The following KHDRBS2 variants were observed in gnomAD, a reference collection of about 807,000 sequenced individuals.
KHDRBS2 encodes the protein KH RNA binding domain containing, signal transduction associated 2, also known as KH domain-containing, RNA-binding, signal transduction-associated protein 2.
A neutral mutation model predicts 44.3 loss-of-function variants in KHDRBS2; 26 were observed. The observed-to-expected ratio is 0.59, with a 90% CI of 0.43 to 0.81. KHDRBS2 has a LOEUF of 0.81. KHDRBS2 is among the 40% of genes least tolerant of loss of function. KHDRBS2 has a pLI of 0.00. For synonymous variants in KHDRBS2, 194 were observed against 151.1 expected (o/e 1.28, Z -2.08); for missense variants, 476 against 433.1 (o/e 1.10, Z -0.88).
chr6:61,847,366 T>C (rs1200068537), intron 6 of KHDRBS2, among the ~76,000 whole-genome samples: 1 of 152,194 alleles, frequency 6.6e-6, no homozygotes, highest in Non-Finnish European at 1.5e-5. Flanking sequence ...GACCTAGGAC[T>C]GTCTTTCTCA....
chr6:61,934,303 A>G (rs1810635407), intron 4 of KHDRBS2, among the ~76,000 whole-genome samples: 1 of 152,036 alleles, frequency 6.6e-6, no homozygotes, highest in South Asian at 2.1e-4. Context: ...TTTTGGTTAG[A>G]TGTAATTCCA....
At chr6:62,000,857 T>C (rs1230592488) in intron 3 of KHDRBS2, among the ~76,000 whole-genome samples, 2 of 152,180 alleles carry the variant, frequency 1.3e-5, no homozygotes, top group Non-Finnish European at 2.9e-5. Context: ...GGTCCTTCAA[T>C]AGCAAAAATA....
the KHDRBS2 span, among the ~76,000 whole-genome samples, chr6:61,571,765 C>T: frequency 0.024 from 3,713 of 152,084 alleles, 71 homozygotes; most frequent in Middle Eastern, 0.085. Context: ...AAGGAACTCT[C>T]AAAATATACA....
intron 2 of KHDRBS2, among the ~76,000 whole-genome samples, chr6:62,132,843 C>A (rs1179194867): frequency 6.6e-6 from 1 of 152,154 alleles, no homozygotes; most frequent in Non-Finnish European, 1.5e-5. Context: ...GCCCAGAAAT[C>A]ATATATCATA....
chr6:61,912,217 G>A lies in KHDRBS2; in HGVS notation c.484-10846C>T, dbSNP rs570674386. Among the ~76,000 whole-genome samples, 98 of 152,156 alleles carry A rather than the reference G, an allele frequency of 6.4e-4. 1 individual carries two copies. In the South Asian group the frequency reaches 0.02, roughly 31 times the overall value. On this transcript the variant is annotated intron_variant, in intron 4 of 8. Transcript: ENST00000281156. ...GTAAAATGTAATACAGTACAATACA[G>A]TGAAAAAGTATTTGGAAAAAAATAC... is the stretch of plus-strand genomic sequence containing the variant.
At chr6:61,558,402 C>G in the KHDRBS2 span, among the ~76,000 whole-genome samples, 1 of 151,502 alleles carries the variant, frequency 6.6e-6, no homozygotes, top group East Asian at 1.9e-4. Context: ...TCTCTAAAAA[C>G]TACAAAAAAT....
chr6:62,191,921 T>A (rs1239663686), intron 1 of KHDRBS2, among the ~76,000 whole-genome samples: 1 of 152,018 alleles, frequency 6.6e-6, no homozygotes, highest in Admixed American at 6.6e-5. Flanking sequence ...TTAAAAAAAC[T>A]TTTTTTAACA....
intron 4 of KHDRBS2, among the ~76,000 whole-genome samples, chr6:61,918,004 C>T (rs1807337492): frequency 1.3e-5 from 2 of 151,952 alleles, no homozygotes; most frequent in East Asian, 1.9e-4. Context: ...TCCAAAGAGC[C>T]CTAAGTGCAT....
Position 62,243,318 on chromosome 6 carries a change from ATAGTGACTGACATG to A in KHDRBS2, c.91+42526_91+42539del, listed in dbSNP as rs777229753. Among the ~76,000 whole-genome samples, 1,428 of 152,212 alleles carry A rather than the reference ATAGTGACTGACATG, an allele frequency of 9.4e-3. 10 individuals carry two copies. The highest frequency in any genetic ancestry group is 0.016 in the Non-Finnish European group (1,096 of 67,998). ...TCTATAATGGTCAGTGAACTTCTTG[ATAGTGACTGACATG>A]GTGCAGTTATATGTGCTCATGGTTC... On this transcript the variant is annotated intron_variant, in intron 1 of 8. Coordinates refer to ENST00000281156, the MANE Select transcript of KHDRBS2 (RefSeq NM_152688.4).
At chr6:61,604,564 CTG>C in the KHDRBS2 span, among the ~76,000 whole-genome samples, 1 of 152,326 alleles carries the variant, frequency 6.6e-6, no homozygotes, top group East Asian at 1.9e-4. Context: ...AGCCGCTAGC[CTG>C]TCTCTTAGAA....
chr6:61,556,298 C>T, the KHDRBS2 span, among the ~76,000 whole-genome samples: 1 of 152,196 alleles, frequency 6.6e-6, no homozygotes, highest in Non-Finnish European at 1.5e-5. Context: ...AATGGCAGTG[C>T]AGGGGTGGCG....
intron 7 of KHDRBS2, among the ~76,000 whole-genome samples, chr6:61,722,073 G>T (rs893105393): frequency 6.6e-6 from 1 of 151,828 alleles, no homozygotes; most frequent in Admixed American, 6.6e-5. Context: ...TTATATGCTG[G>T]ATTACATTTA....
intron 1 of KHDRBS2, among the ~76,000 whole-genome samples, chr6:62,261,312 T>C (rs1346831637): frequency 1.3e-5 from 2 of 151,908 alleles, no homozygotes; most frequent in Non-Finnish European, 2.9e-5. Context: ...TCCATGGAAC[T>C]ACTTAACAGT....
chr6:61,635,845 T>C, the KHDRBS2 span, among the ~76,000 whole-genome samples: 1 of 152,044 alleles, frequency 6.6e-6, no homozygotes, highest in Non-Finnish European at 1.5e-5. Flanking sequence ...TATCATCTTT[T>C]CCTTTACCAT....
At chr6:61,552,435 G>T in the KHDRBS2 span, among the ~76,000 whole-genome samples, 1 of 152,082 alleles carries the variant, frequency 6.6e-6, no homozygotes, top group Non-Finnish European at 1.5e-5. Context: ...GATTTTCTAG[G>T]TATAGAATCG....
At chr6:62,229,863 G>T (rs1832610192) in intron 1 of KHDRBS2, among the ~76,000 whole-genome samples, 1 of 152,190 alleles carries the variant, frequency 6.6e-6, no homozygotes, top group Non-Finnish European at 1.5e-5. Flanking sequence ...GGATACCTCG[G>T]TTGCTGGTGC....
chr6:62,052,642 G>A (rs910042693), intron 2 of KHDRBS2, among the ~76,000 whole-genome samples: 1 of 148,006 alleles, frequency 6.8e-6, no homozygotes, highest in Non-Finnish European at 1.5e-5. Flanking sequence ...GGTGGAGGAG[G>A]GTGGGGGTGT....
At chr6:62,042,114 T>C (rs1399407378) in intron 3 of KHDRBS2, among the ~76,000 whole-genome samples, 2 of 152,090 alleles carry the variant, frequency 1.3e-5, no homozygotes, top group African/African-American at 2.4e-5. Flanking sequence ...CCCACAAATA[T>C]ATATATTTTA....
chr6:61,832,195 C>T (rs756064623), intron 6 of KHDRBS2, among the ~76,000 whole-genome samples: 13 of 152,122 alleles, frequency 8.5e-5, no homozygotes, highest in Non-Finnish European at 1.8e-4. Context: ...GTTTGGCCTA[C>T]TGCATTCCAG....
Sources: allele counts gnomAD v4.1 joint callset (sites outside exome capture counted in the v4.1 genomes callset), GRCh38; gene constraint gnomAD v4.1.1; transcripts MANE v1.5; gene names NCBI Gene and HGNC (gene_info 2026-07-23, HGNC 2026-07-21).